AGBL4: variants seen among roughly 807,000 people sequenced by gnomAD.
AGBL4 encodes AGBL carboxypeptidase 4.
AGBL4 carries 58 observed loss-of-function variants against 66.4 expected under a neutral mutation model. The observed-to-expected ratio is 0.87, with a 90% CI of 0.71 to 1.09. The LOEUF is 1.09. Ranked by LOEUF, AGBL4 falls within the 50% of genes least tolerant of loss-of-function variation. AGBL4 has a pLI of 0.00. For synonymous variants in AGBL4, 234 were observed against 222.9 expected, an observed-to-expected ratio of 1.05 and a Z score of -0.44; for missense variants, 579 against 631.0, an observed-to-expected ratio of 0.92 and a Z score of 0.88.
intron 4 of AGBL4, among the ~76,000 whole-genome samples, chr1:49,234,438 A>G (rs1650558464): frequency 6.6e-6 from 1 of 152,166 alleles, no homozygotes; most frequent in Admixed American, 6.5e-5. Context: ...GAAAAAGGAG[A>G]AGTGAACTTG....
rs186619694 is a variant in AGBL4 at position 48,954,223 on chromosome 1, C to A, written c.595-86993G>T. Among the ~76,000 whole-genome samples, 277 of 152,280 alleles carry A rather than the reference C, an allele frequency of 1.8e-3. 1 individual carries two copies. The highest frequency in any genetic ancestry group is 6.3e-3 in the African/African-American group (263 of 41,570). On this transcript the variant is annotated intron_variant, in intron 5 of 13. Transcript: ENST00000371839. Reference sequence around the variant, plus strand: ...GACTTGAAAACCGGTCAAGAACTTACCAAAACTGTTCCATATGTCAGGTTC... The same window carrying A: ...GACTTGAAAACCGGTCAAGAACTTAACAAAACTGTTCCATATGTCAGGTTC...
At chr1:49,864,228 CAA>C (rs1646645310) in intron 1 of AGBL4, among the ~76,000 whole-genome samples, 1 of 151,764 alleles carries the variant, frequency 6.6e-6, no homozygotes. Context: ...AACTAATAGA[CAA>C]AGAGAGTAGA....
intron 5 of AGBL4, among the ~76,000 whole-genome samples, chr1:49,044,796 C>A (rs942201349): frequency 6.6e-6 from 1 of 152,116 alleles, no homozygotes; most frequent in Non-Finnish European, 1.5e-5. Flanking sequence ...GAACTACAAA[C>A]TAAGAAATGC....
chr1:49,684,942 G>C (rs755279142), intron 3 of AGBL4, among the ~76,000 whole-genome samples: 13 of 152,060 alleles, frequency 8.5e-5, no homozygotes, highest in Non-Finnish European at 1.6e-4. Context: ...GGGTACATGT[G>C]CAGGTTTGTT....
intron 3 of AGBL4, among the ~76,000 whole-genome samples, chr1:49,555,212 A>G (rs1415533911): frequency 6.6e-6 from 1 of 152,100 alleles, no homozygotes; most frequent in East Asian, 2.0e-4. Flanking sequence ...GTGCATTTAC[A>G]AACCTTGAGC....
chr1:49,948,490 T>C (rs1164486634), intron 1 of AGBL4, among the ~76,000 whole-genome samples: 1 of 106,422 alleles, frequency 9.4e-6, no homozygotes, highest in African/African-American at 3.4e-5. Flanking sequence ...AATATAAATA[T>C]ATAAAAATAT....
At chr1:49,237,188 G>A (rs1368840854) in intron 4 of AGBL4, among the ~76,000 whole-genome samples, 11 of 151,764 alleles carry the variant, frequency 7.2e-5, no homozygotes, top group African/African-American at 2.7e-4. Flanking sequence ...GAGTGAACCT[G>A]GGAGGTGGAG....
intron 4 of AGBL4, among the ~76,000 whole-genome samples, chr1:49,192,854 C>T (rs1647148394): frequency 6.6e-6 from 1 of 152,172 alleles, no homozygotes; most frequent in African/African-American, 2.4e-5. Flanking sequence ...ACCCAGAGTA[C>T]CTGACGTTAA....
At chr1:49,238,814 T>A (rs1273114475) in intron 4 of AGBL4, among the ~76,000 whole-genome samples, 1 of 152,202 alleles carries the variant, frequency 6.6e-6, no homozygotes, top group Non-Finnish European at 1.5e-5. Flanking sequence ...TATTTGTCTG[T>A]ACCTGTGGCA....
Position 49,636,471 on chromosome 1 carries a change from A to T in AGBL4, c.282+60842T>A, listed in dbSNP as rs954729456. On this transcript the variant is annotated intron_variant, in intron 3 of 13. Transcript: ENST00000371839. ...CTCACTTTAGGGATTAGGCTTCAACATACGAACTTTGGAGAAACATAAGCA... is the reference window on the plus strand; with the variant it reads ...CTCACTTTAGGGATTAGGCTTCAACTTACGAACTTTGGAGAAACATAAGCA... Among the ~76,000 whole-genome samples the T allele has an allele frequency of 7.2e-5, 11 of 152,204 alleles. No individual in the cohort carries two copies. The East Asian group carries it at 2.1e-3, about 29-fold the overall frequency.
chr1:49,740,737 T>C (rs1225464075), intron 2 of AGBL4, among the ~76,000 whole-genome samples: 3 of 152,112 alleles, frequency 2.0e-5, no homozygotes, highest in Non-Finnish European at 1.5e-5. Flanking sequence ...GAACTCAGGA[T>C]TAAGAAACTC....
At chr1:48,996,494 G>T (rs1181414202) in intron 5 of AGBL4, among the ~76,000 whole-genome samples, 1 of 152,186 alleles carries the variant, frequency 6.6e-6, no homozygotes, top group Non-Finnish European at 1.5e-5. Flanking sequence ...AGGGAGTGTG[G>T]TATCTTGAAA....
chr1:48,752,132 C>T (rs1651839345), intron 6 of AGBL4, among the ~76,000 whole-genome samples: 1 of 152,184 alleles, frequency 6.6e-6, no homozygotes, highest in African/African-American at 2.4e-5. Context: ...GGCCTTACCT[C>T]CACAAGGGAG....
chr1:49,118,459 C>T (rs1239521776), intron 4 of AGBL4, among the ~76,000 whole-genome samples: 4 of 151,784 alleles, frequency 2.6e-5, no homozygotes, highest in Non-Finnish European at 4.4e-5. Context: ...CCCTTTTCTG[C>T]GTTTATAGAG....
chr1:49,141,286 T>C (rs887941024), intron 4 of AGBL4, among the ~76,000 whole-genome samples: 10 of 152,194 alleles, frequency 6.6e-5, no homozygotes, highest in African/African-American at 2.4e-4. Context: ...ATTCAAAAAA[T>C]ATTTATTGAC....
At chr1:48,644,494 C>T (rs1481921340) in intron 8 of AGBL4, among the ~76,000 whole-genome samples, 1 of 152,130 alleles carries the variant, frequency 6.6e-6, no homozygotes, top group Non-Finnish European at 1.5e-5. Flanking sequence ...TTCCCCAGTG[C>T]ATGGTACAAA....
chr1:48,950,429 C>T (rs1353632125), intron 5 of AGBL4, among the ~76,000 whole-genome samples: 1 of 152,114 alleles, frequency 6.6e-6, no homozygotes, highest in Non-Finnish European at 1.5e-5. Flanking sequence ...AAAACTGAAA[C>T]GTAGGGAGAT....
intron 5 of AGBL4, among the ~76,000 whole-genome samples, chr1:48,974,807 G>A (rs528430515): frequency 3.9e-5 from 6 of 152,132 alleles, no homozygotes; most frequent in Non-Finnish European, 7.4e-5. Context: ...CCTTGTATAA[G>A]CTATTGATCT....
chr1:49,286,400 T>G (rs1016569991), intron 3 of AGBL4, among the ~76,000 whole-genome samples: 1 of 151,894 alleles, frequency 6.6e-6, no homozygotes, highest in Non-Finnish European at 1.5e-5. Context: ...GGTATTCAAT[T>G]AGGAAAAGAG....
Sources: gnomAD v4.1 joint callset for allele counts (sites outside exome capture counted in the v4.1 genomes callset) on GRCh38, gnomAD v4.1.1 for gene constraint, MANE v1.5 for transcripts, NCBI Gene and HGNC (gene_info 2026-07-23, HGNC 2026-07-21) for gene names.